PSMG2: variants seen among roughly 807,000 people sequenced by gnomAD.
The protein encoded by PSMG2 is proteasome assembly chaperone 2, also known as CD40 ligand-activated specific transcript 3.
In PSMG2, 21 loss-of-function variants were observed where a neutral mutation model predicts 31.5. That is an observed-to-expected ratio of 0.67 (90% CI 0.47 to 0.96). PSMG2 has a LOEUF of 0.96. Among genes scored for constraint, PSMG2 ranks in the 40% least tolerant of loss-of-function variants. The pLI, the probability that PSMG2 is intolerant of heterozygous loss-of-function variation, is 0.00. For missense variants in PSMG2, 318 were observed against 321.2 expected, an observed-to-expected ratio of 0.99 and a Z score of 0.08; for synonymous variants, 120 against 110.4, an observed-to-expected ratio of 1.09 and a Z score of -0.54.
chr18:12,715,012 C>A (rs1002166661), intron 3 of PSMG2, among the ~76,000 whole-genome samples: 1 of 151,144 alleles, frequency 6.6e-6, no homozygotes, highest in African/African-American at 2.4e-5. Flanking sequence ...CTGTGCCCGG[C>A]CCTCTTTTTT....
chr18:12,658,741 T>A, exon 1 of PSMG2: 1 of 399,340 alleles, frequency 2.5e-6, no homozygotes, highest in Non-Finnish European at 5.3e-6. Flanking sequence ...TTCTTGCTGG[T>A]TGAATACCTC....
At chr18:12,698,847 G>A (rs2040052275), upstream of PSMG2, 4 of 647,260 alleles carry the variant, frequency 6.2e-6, no homozygotes, top group Non-Finnish European at 1.1e-5. Context: ...AAATTGAAAA[G>A]AGCAGTGGGA....
At position 12,725,478 on chromosome 18, in the gene PSMG2, C is replaced by T. The variant is rs1393415223; in HGVS notation, c.742C>T (p.Pro248Ser). Residue 248 changes from proline (P) to serine (S), a missense_variant, in exon 7 of 7, where the codon CCA (proline) becomes TCA (serine). Physicochemically the swap from Pro to Ser is moderately conservative, Grantham distance 74 (BLOSUM62 -1). Coordinates refer to ENST00000317615, the MANE Select transcript of PSMG2 (RefSeq NM_020232.5). ...PTVSASRWKI[P>S]SSWRLLFGSG... is the part of the protein sequence containing the mutation. ...AGTATCTGCCTCACGGTGGAAAATA[C>T]CAAGTTCTTGGAGATTACTCTTTGG... The T allele has an allele frequency of 6.2e-7, 1 of 1,606,778 alleles. No homozygotes were observed. Among genetic ancestry groups the T allele is most frequent in the Non-Finnish European group, 8.5e-7 (1 of 1,173,786 alleles).
intron 1 of PSMG2, among the ~76,000 whole-genome samples, chr18:12,672,240 G>A (rs774628399): frequency 6.6e-6 from 1 of 151,232 alleles, no homozygotes; most frequent in Non-Finnish European, 1.5e-5. Context: ...TCAGCCTCCT[G>A]AGTAGCTGGG....
chr18:12,702,713 G>T, upstream of PSMG2: 1 of 730,848 alleles, frequency 1.4e-6, no homozygotes, highest in Non-Finnish European at 2.1e-6. Context: ...GCCGGGGGCT[G>T]ACCTGGAAAT....
At position 12,720,492 on chromosome 18, in the gene PSMG2, C is replaced by G; in HGVS notation, c.408-18C>G. The G allele has an allele frequency of 6.5e-7, 1 of 1,546,692 alleles. No individual in the cohort carries two copies. On this transcript the variant is annotated intron_variant, in intron 4 of 6. Coordinates refer to ENST00000317615, the MANE Select transcript of PSMG2 (RefSeq NM_020232.5). Reference sequence around the variant, plus strand: ...TGCTTTAGAGTTTTTAAAAAGTTAACTATATGATTATTTCTAGTACTCCCT... The same window carrying G: ...TGCTTTAGAGTTTTTAAAAAGTTAAGTATATGATTATTTCTAGTACTCCCT...
chr18:12,711,556 A>G (rs905573289), intron 2 of PSMG2, among the ~76,000 whole-genome samples: 1 of 151,654 alleles, frequency 6.6e-6, no homozygotes, highest in African/African-American at 2.4e-5. Context: ...AGTTCAGCAT[A>G]CCCCCCAGTC....
At chr18:12,671,982 G>C (rs1234213611) in intron 1 of PSMG2, among the ~76,000 whole-genome samples, 1 of 151,596 alleles carries the variant, frequency 6.6e-6, no homozygotes, top group Non-Finnish European at 1.5e-5. Flanking sequence ...ACCATGCCCA[G>C]CTAATTTTTG....
At chr18:12,713,375 A>C in intron 3 of PSMG2, among the ~76,000 whole-genome samples, 1 of 152,156 alleles carries the variant, frequency 6.6e-6, no homozygotes, top group Non-Finnish European at 1.5e-5. Flanking sequence ...TTATATTGCA[A>C]ATTGACTCCC....
At chr18:12,662,168 A>G (rs545744875) in intron 1 of PSMG2, 1 of 448,746 alleles carries the variant, frequency 2.2e-6, no homozygotes, top group Non-Finnish European at 4.5e-6. Flanking sequence ...AGGCACATTC[A>G]CCTAGAAAAG....
intron 1 of PSMG2, chr18:12,672,608 C>A: frequency 2.1e-6 from 2 of 966,514 alleles, no homozygotes; most frequent in South Asian, 9.5e-5. Flanking sequence ...AATAATGAAT[C>A]CTCTGACCAC....
intron 1 of PSMG2, among the ~76,000 whole-genome samples, chr18:12,677,845 ACT>A (rs1158151908): frequency 1.1e-4 from 17 of 152,134 alleles, no homozygotes; most frequent in African/African-American, 4.1e-4. Flanking sequence ...AAAAATCTTG[ACT>A]CTAAGGGATG....
rs1265285153 is a variant in PSMG2, at chr18:12,706,864, C to G, written c.229+143C>G. ...GAGTTCACAACCCAATCACATTGTC[C>G]TATTCTTTTATGTCCTGGTTTTAGT... On this transcript the variant is annotated intron_variant, in intron 2 of 6. Transcript: ENST00000317615. 11 of 828,274 alleles carry G rather than the reference C, an allele frequency of 1.3e-5. No individual in the cohort carries two copies. The Middle Eastern group carries it at 1.1e-3, about 83-fold the overall frequency. 51.3% of individuals were successfully genotyped at this position (828,274 alleles called of 1,614,324 possible).
intron 4 of PSMG2, among the ~76,000 whole-genome samples, chr18:12,719,770 C>G (rs2145149889): frequency 6.7e-6 from 1 of 149,128 alleles, no homozygotes; most frequent in Middle Eastern, 3.5e-3. Context: ...GTTGCCCAGG[C>G]TGGAGTGCAG....
At chr18:12,702,771 A>C (rs2040204562), upstream of PSMG2, 1 of 582,968 alleles carries the variant, frequency 1.7e-6, no homozygotes, top group Non-Finnish European at 3.0e-6. Context: ...AGTGGCGGAC[A>C]AACAGGGCTT....
intron 1 of PSMG2, among the ~76,000 whole-genome samples, chr18:12,705,558 A>AGT (rs1297624914): frequency 2.2e-5 from 3 of 134,716 alleles, no homozygotes; most frequent in African/African-American, 9.0e-5. Context: ...AGAGAGAGAG[A>AGT]GAGAGAGAGA....
intron 1 of PSMG2, among the ~76,000 whole-genome samples, chr18:12,668,597 C>CAAAAAAAAAAG (rs2038855443): frequency 1.4e-5 from 1 of 72,836 alleles, no homozygotes; most frequent in Non-Finnish European, 2.4e-5. Flanking sequence ...GATTCCATCT[C>CAAAAAAAAAAG]AAAAAAAAAA....
At chr18:12,676,279 CT>C (rs1157897766) in intron 1 of PSMG2, among the ~76,000 whole-genome samples, 713 of 106,424 alleles carry the variant, frequency 6.7e-3, no homozygotes, top group African/African-American at 0.014. Context: ...ACAGTAATTC[CT>C]TTTTTTTTTT....
intron 1 of PSMG2, among the ~76,000 whole-genome samples, chr18:12,689,962 T>C (rs1461525714): frequency 6.6e-6 from 1 of 152,198 alleles, no homozygotes; most frequent in African/African-American, 2.4e-5. Flanking sequence ...CTAATTTTTG[T>C]ATTTTTAGTA....
Sources: gnomAD v4.1 joint callset for allele counts (sites outside exome capture counted in the v4.1 genomes callset) on GRCh38, gnomAD v4.1.1 for gene constraint, MANE v1.5 for transcripts, NCBI Gene and HGNC (gene_info 2026-07-23, HGNC 2026-07-21) for gene names.